Variants in FHIT observed in about 807,000 individuals in gnomAD.
FHIT encodes fragile histidine triad diadenosine triphosphatase.
A neutral mutation model predicts 17.9 loss-of-function variants in FHIT; 19 were observed. The observed-to-expected ratio is 1.06, with a 90% CI of 0.74 to 1.56. FHIT has a LOEUF of 1.56. Among genes scored for constraint, FHIT ranks in the 40% most tolerant of loss-of-function variants. FHIT has a pLI of 0.00. For synonymous variants in FHIT, 81 were observed against 69.7 expected (o/e 1.16, Z -0.81); for missense variants, 248 against 189.2 (o/e 1.31, Z -1.82).
intron 5 of FHIT, among the ~76,000 whole-genome samples, chr3:60,307,213 C>G (rs1708717364): frequency 6.6e-6 from 1 of 152,144 alleles, no homozygotes; most frequent in Non-Finnish European, 1.5e-5. Context: ...AACATCTCCT[C>G]AAAAACTTCA....
At chr3:59,754,021 TCAAC>T (rs1701066489) in intron 8 of FHIT, among the ~76,000 whole-genome samples, 3 of 151,780 alleles carry the variant, frequency 2.0e-5, no homozygotes, top group Admixed American at 1.3e-4. Flanking sequence ...AAAAAGTCTA[TCAAC>T]TAATAAATGA....
rs188869090 is a variant in FHIT, at chr3:60,568,088, C to T, written c.-17-31109G>A. 2.9e-3 allele frequency among the ~76,000 whole-genome samples: 435 copies of T among 152,168 alleles called. 5 individuals carry two copies. Among genetic ancestry groups the T allele is most frequent in the Non-Finnish European group, 4.9e-3 (335 of 68,014 alleles). On this transcript the variant is annotated intron_variant, in intron 4 of 9. Coordinates refer to ENST00000492590, the MANE Select transcript of FHIT (RefSeq NM_002012.4). ...TCTTGAACTAGAAATGCCATTTGGC[C>T]CAGCAATCCCATTACTGAGTATATA...
At chr3:59,782,893 A>T (rs1702660152) in intron 8 of FHIT, among the ~76,000 whole-genome samples, 1 of 152,166 alleles carries the variant, frequency 6.6e-6, no homozygotes, top group Admixed American at 6.5e-5. Flanking sequence ...GAAACTAGCC[A>T]AGACAGCAGG....
At chr3:59,826,697 T>TGC (rs1700991813) in intron 8 of FHIT, among the ~76,000 whole-genome samples, 1 of 152,274 alleles carries the variant, frequency 6.6e-6, no homozygotes, top group Non-Finnish European at 1.5e-5. Context: ...GTCTCATACA[T>TGC]GCTGCTGGAT....
At chr3:59,754,572 TGCTACTGCCATTGG>T (rs1195464339) in intron 8 of FHIT, among the ~76,000 whole-genome samples, 1 of 152,168 alleles carries the variant, frequency 6.6e-6, no homozygotes, top group Non-Finnish European at 1.5e-5. Context: ...TTCCCACTTC[TGCTACTGCCATTGG>T]AAGACACAGA....
intron 5 of FHIT, among the ~76,000 whole-genome samples, chr3:60,453,837 T>C (rs180683918): frequency 1.2e-4 from 19 of 152,340 alleles, no homozygotes; most frequent in South Asian, 2.1e-4. Flanking sequence ...CAATAAGCTA[T>C]ATAAAGCATG....
chr3:61,192,834 C>T (rs951755747), intron 2 of FHIT, among the ~76,000 whole-genome samples: 2 of 152,164 alleles, frequency 1.3e-5, no homozygotes, highest in Non-Finnish European at 2.9e-5. Flanking sequence ...TCATCTGACA[C>T]TTATCATGGG....
At chr3:61,229,972 C>A (rs554543684) in intron 1 of FHIT, among the ~76,000 whole-genome samples, 19 of 152,234 alleles carry the variant, frequency 1.2e-4, no homozygotes, top group Non-Finnish European at 2.6e-4. Flanking sequence ...AGGTCAAGAT[C>A]CTTAGGCAGG....
At chr3:60,482,842 G>A (rs2033671412) in intron 5 of FHIT, among the ~76,000 whole-genome samples, 1 of 151,642 alleles carries the variant, frequency 6.6e-6, no homozygotes, top group Admixed American at 6.6e-5. Context: ...CAGAACTGAA[G>A]GAGATAGAGA....
At chr3:59,921,147 T>C (rs1705382818) in intron 8 of FHIT, among the ~76,000 whole-genome samples, 1 of 152,246 alleles carries the variant, frequency 6.6e-6, no homozygotes, top group Non-Finnish European at 1.5e-5. Context: ...AGGGTTATCC[T>C]AAAGGCAGAA....
At chr3:61,182,778 G>A (rs1440702681) in intron 2 of FHIT, among the ~76,000 whole-genome samples, 1 of 152,162 alleles carries the variant, frequency 6.6e-6, no homozygotes, top group African/African-American at 2.4e-5. Context: ...GATGTCACAA[G>A]CTATGAGAAG....
intron 4 of FHIT, among the ~76,000 whole-genome samples, chr3:60,537,744 A>C (rs2036037273): frequency 6.6e-6 from 1 of 152,144 alleles, no homozygotes; most frequent in Non-Finnish European, 1.5e-5. Flanking sequence ...AGCACCAAGG[A>C]ATGACTTTTC....
intron 1 of FHIT, among the ~76,000 whole-genome samples, chr3:61,239,786 C>CAT (rs2040329899): frequency 1.7e-5 from 1 of 57,748 alleles, no homozygotes; most frequent in African/African-American, 1.6e-4. Flanking sequence ...TATATATATA[C>CAT]ACAAATTCTA....
intron 7 of FHIT, among the ~76,000 whole-genome samples, chr3:59,959,930 G>A (rs1461923976): frequency 1.3e-5 from 2 of 152,090 alleles, no homozygotes; most frequent in African/African-American, 4.8e-5. Flanking sequence ...CTAATAAGGA[G>A]ATAATAACAT....
chr3:60,082,282 T>C (rs891293707), intron 5 of FHIT, among the ~76,000 whole-genome samples: 1 of 150,292 alleles, frequency 6.7e-6, no homozygotes. Context: ...GCTGCATTCA[T>C]GGTGCTGCAA....
chr3:60,438,834 T>G (rs551852753), intron 5 of FHIT, among the ~76,000 whole-genome samples: 1 of 152,112 alleles, frequency 6.6e-6, no homozygotes, highest in South Asian at 2.1e-4. Flanking sequence ...AACACCAAAA[T>G]TGCCTAGACT....
chr3:60,275,620 C>T (rs1225602392), intron 5 of FHIT, among the ~76,000 whole-genome samples: 1 of 152,022 alleles, frequency 6.6e-6, no homozygotes, highest in Non-Finnish European at 1.5e-5. Flanking sequence ...TTGTCTTAGT[C>T]AATGCCATAC....
intron 8 of FHIT, among the ~76,000 whole-genome samples, chr3:59,866,017 G>A (rs1013821279): frequency 2.0e-5 from 3 of 152,164 alleles, no homozygotes; most frequent in African/African-American, 7.2e-5. Context: ...TCCTGTTAAA[G>A]TAACTCATTA....
At chr3:61,028,015 T>G (rs2032823583) in intron 3 of FHIT, among the ~76,000 whole-genome samples, 1 of 152,204 alleles carries the variant, frequency 6.6e-6, no homozygotes, top group Non-Finnish European at 1.5e-5. Flanking sequence ...TATTTTAAAC[T>G]AAGAGGAACC....
Sources: gnomAD v4.1 joint callset for allele counts (sites outside exome capture counted in the v4.1 genomes callset) on GRCh38, gnomAD v4.1.1 for gene constraint, MANE v1.5 for transcripts, NCBI Gene and HGNC (gene_info 2026-07-23, HGNC 2026-07-21) for gene names.